Variants in NFASC observed in about 807,000 individuals in gnomAD.
NFASC encodes neurofascin homolog.
Under a neutral mutation model 147.5 loss-of-function variants are expected in NFASC, and 43 were observed. The observed-to-expected ratio is 0.29, with a 90% CI of 0.23 to 0.38. The LOEUF (loss-of-function observed/expected upper bound fraction) is 0.38, where lower values mean the gene tolerates loss of function less well. NFASC is among the 10% of genes least tolerant of loss of function. The pLI is 1.00. For synonymous variants in NFASC, 622 were observed against 665.5 expected (o/e 0.93, Z 1.01); for missense variants, 1,320 against 1,689.0 (o/e 0.78, Z 3.83).
At chr1:205,012,704 G>A (rs2151063279) in intron 28 of NFASC, 93 bp from the exon 29 acceptor site, 1 of 934,682 alleles carries the variant, frequency 1.1e-6, no homozygotes, top group East Asian at 2.4e-5. Flanking sequence ...GCCCAGGGCG[G>A]TGCCTTCTGG....
chr1:204,985,652 A>T (rs1440572805), intron 21 of NFASC, among the ~76,000 whole-genome samples: 1 of 152,214 alleles, frequency 6.6e-6, no homozygotes, highest in African/African-American at 2.4e-5. Flanking sequence ...CAACTTGCTC[A>T]TTCCCCAAAG....
rs185766091 is a variant in NFASC, at chr1:204,944,158, C to T, written c.-90-68C>T. 12 of 1,430,460 alleles carry T rather than the reference C, an allele frequency of 8.4e-6. No homozygotes were observed. The East Asian group carries it at 1.5e-4, about 18-fold the overall frequency. The allele number at this position is 1,430,460 out of a possible 1,614,324, so 88.6% of individuals were successfully genotyped here. ...GGGGGCTCTTCGGTCCTCCAAAGCC[C>T]TGTAGGATTGCTAGAGCAAACCACA... On this transcript the variant is annotated intron_variant, in intron 2 of 29. Transcript: ENST00000339876.
intron 1 of NFASC, among the ~76,000 whole-genome samples, chr1:204,830,005 G>GT (rs1301416282): frequency 9.9e-4 from 89 of 89,956 alleles, no homozygotes; most frequent in African/African-American, 3.1e-3. Flanking sequence ...TTTTGGCATG[G>GT]GGTGTGTGTG....
At chr1:204,877,056 T>G (rs12041066) in intron 1 of NFASC, among the ~76,000 whole-genome samples, 7 of 88,612 alleles carry the variant, frequency 7.9e-5, no homozygotes, top group Admixed American at 1.6e-4. Flanking sequence ...TATAATATAT[T>G]TATTTATATA....
chr1:204,962,741 G>T (rs573359297), intron 8 of NFASC, among the ~76,000 whole-genome samples: 20 of 152,270 alleles, frequency 1.3e-4, no homozygotes, highest in South Asian at 1.2e-3. Context: ...GAGTATAAAT[G>T]AGGTGAAACC....
At chr1:204,863,135 G>C (rs2076806756) in intron 1 of NFASC, among the ~76,000 whole-genome samples, 1 of 152,220 alleles carries the variant, frequency 6.6e-6, no homozygotes, top group Non-Finnish European at 1.5e-5. Context: ...GGAGACTGGT[G>C]ACACTGTCCC....
chr1:204,977,405 C>G (rs530894806), intron 16 of NFASC, among the ~76,000 whole-genome samples: 1 of 152,142 alleles, frequency 6.6e-6, no homozygotes, highest in East Asian at 1.9e-4. Context: ...CTAGCATTGG[C>G]GCAGTGGAGA....
intron 25 of NFASC, chr1:204,998,068 G>A (rs2095886202): frequency 1.3e-5 from 2 of 153,382 alleles, no homozygotes; most frequent in South Asian, 4.1e-4. Context: ...ATGCAGGCAT[G>A]GAGGGAAAAT....
chr1:204,871,345 A>G (rs1335067142), intron 1 of NFASC, among the ~76,000 whole-genome samples: 1 of 152,112 alleles, frequency 6.6e-6, no homozygotes, highest in Non-Finnish European at 1.5e-5. Flanking sequence ...AAATTTTAGG[A>G]GGAAGAGAGG....
At chr1:204,874,415 C>T (rs1238392485) in intron 1 of NFASC, among the ~76,000 whole-genome samples, 1 of 152,240 alleles carries the variant, frequency 6.6e-6, no homozygotes, top group African/African-American at 2.4e-5. Context: ...CGCCAGGCTT[C>T]TGACTTCCTG....
intron 27 of NFASC, 41 bp from the exon 28 acceptor site, chr1:205,009,516 A>G (rs764628184): frequency 5.6e-6 from 9 of 1,608,816 alleles, no homozygotes; most frequent in Non-Finnish European, 7.7e-6. Flanking sequence ...CATCTCCCCC[A>G]TGAAATCATT....
intron 19 of NFASC, 85 bp from the exon 20 acceptor site, chr1:204,980,285 C>A: frequency 3.1e-6 from 3 of 972,514 alleles, no homozygotes; most frequent in Admixed American, 1.9e-5. Flanking sequence ...TAGAACAGAC[C>A]CATCAGGTAG....
chr1:204,956,695 G>C (rs568565551), intron 7 of NFASC, among the ~76,000 whole-genome samples: 1 of 152,314 alleles, frequency 6.6e-6, no homozygotes, highest in African/African-American at 2.4e-5. Flanking sequence ...GCACATAGTA[G>C]GCCTACAGTA....
chr1:204,985,552 A>C (rs530931928), intron 21 of NFASC, among the ~76,000 whole-genome samples: 1 of 152,070 alleles, frequency 6.6e-6, no homozygotes, highest in East Asian at 1.9e-4. Flanking sequence ...TTGGCTCACT[A>C]TTTTTGGTTC....
chr1:204,957,680 A>G lies in NFASC; in HGVS notation c.560A>G (p.Lys187Arg). ...GCCATGGAGCCCATCACCCAAGACA[A>G]ACGTGTCTCTCAGGGCCATAACGGA... is the stretch of plus-strand genomic sequence containing the variant. ...SSSMEPITQD[K>R]RVSQGHNGDL... is the part of the protein sequence containing the mutation. Residue 187 changes from lysine (K) to arginine (R), a missense_variant, in exon 8 of 30, where the codon AAA becomes AGA. Physicochemically the swap from Lys to Arg is conservative, Grantham distance 26. Coordinates refer to ENST00000339876, the MANE Select transcript of NFASC (RefSeq NM_001005388.3). 3 of 1,614,146 alleles carry G rather than the reference A, an allele frequency of 1.9e-6. No individual in the cohort carries two copies. The highest frequency in any genetic ancestry group is 2.5e-6 in the Non-Finnish European group (3 of 1,180,026).
chr1:204,988,348 T>C (rs1574192368), intron 22 of NFASC, among the ~76,000 whole-genome samples: 1 of 152,218 alleles, frequency 6.6e-6, no homozygotes. Flanking sequence ...TTGAAAGGGC[T>C]TAAGAATATA....
chr1:204,991,982 G>A (rs541228888), intron 24 of NFASC, among the ~76,000 whole-genome samples: 12 of 152,266 alleles, frequency 7.9e-5, no homozygotes, highest in East Asian at 5.8e-4. Flanking sequence ...CTCCACTCTC[G>A]GGGTATGGGA....
intron 1 of NFASC, among the ~76,000 whole-genome samples, chr1:204,851,943 A>G (rs2075732728): frequency 6.6e-6 from 1 of 152,244 alleles, no homozygotes; most frequent in Admixed American, 6.5e-5. Flanking sequence ...CTAAGATGGT[A>G]CAGGGTCTGA....
chr1:204,946,068 T>G (rs1573512350), intron 3 of NFASC, among the ~76,000 whole-genome samples: 1 of 152,154 alleles, frequency 6.6e-6, no homozygotes, highest in Admixed American at 6.5e-5. Flanking sequence ...AGTCAGGCTC[T>G]CCAAAGCCCC....
Sources: gnomAD v4.1 joint callset for allele counts (sites outside exome capture counted in the v4.1 genomes callset) on GRCh38, gnomAD v4.1.1 for gene constraint, MANE v1.5 for transcripts, NCBI Gene and HGNC (gene_info 2026-07-23, HGNC 2026-07-21) for gene names.